DNM3: variants seen among roughly 807,000 people sequenced by gnomAD.
DNM3 encodes dynamin-3.
A neutral mutation model predicts 101.6 loss-of-function variants in DNM3; 47 were observed. The ratio of observed to expected loss-of-function variants is 0.46; its 90% CI spans 0.37 to 0.59. The LOEUF (loss-of-function observed/expected upper bound fraction) is 0.59, where lower values mean the gene tolerates loss of function less well. Ranked by LOEUF, DNM3 falls within the 20% of genes least tolerant of loss-of-function variation. The pLI is 0.00. For synonymous variants in DNM3, 385 were observed against 387.9 expected, an observed-to-expected ratio of 0.99 and a Z score of 0.09; for missense variants, 849 against 1,085.7, an observed-to-expected ratio of 0.78 and a Z score of 3.06.
At chr1:172,039,330 A>G (rs943166407) in intron 7 of DNM3, among the ~76,000 whole-genome samples, 2 of 152,138 alleles carry the variant, frequency 1.3e-5, no homozygotes, top group African/African-American at 2.4e-5. Context: ...GCATCCTTCA[A>G]TTGGCATTCA....
chr1:171,855,793 T>A (rs189191448), intron 1 of DNM3, among the ~76,000 whole-genome samples: 85 of 152,340 alleles, frequency 5.6e-4, no homozygotes, highest in African/African-American at 1.9e-3. Context: ...GATGCATAGT[T>A]TGCAAAAATT....
At chr1:171,849,961 T>G (rs574858680) in intron 1 of DNM3, among the ~76,000 whole-genome samples, 1 of 152,314 alleles carries the variant, frequency 6.6e-6, no homozygotes, top group African/African-American at 2.4e-5. Context: ...AGAGAATATA[T>G]TTTAAGGAAG....
At chr1:171,861,476 A>C (rs2034171440) in intron 1 of DNM3, among the ~76,000 whole-genome samples, 1 of 152,150 alleles carries the variant, frequency 6.6e-6, no homozygotes, top group Non-Finnish European at 1.5e-5. Flanking sequence ...TACCAAGATA[A>C]TTCAATGGAG....
intron 14 of DNM3, among the ~76,000 whole-genome samples, chr1:172,184,706 G>C (rs2059462789): frequency 6.6e-6 from 1 of 152,128 alleles, no homozygotes; most frequent in Non-Finnish European, 1.5e-5. Flanking sequence ...AATCATCTTA[G>C]AGTTTATTAA....
At chr1:172,152,730 C>T (rs1029363057) in intron 14 of DNM3, among the ~76,000 whole-genome samples, 1 of 152,060 alleles carries the variant, frequency 6.6e-6, no homozygotes, top group Non-Finnish European at 1.5e-5. Context: ...CTACCATTCC[C>T]ACGGTATGTG....
intron 14 of DNM3, among the ~76,000 whole-genome samples, chr1:172,219,518 T>C (rs2060830872): frequency 6.6e-6 from 1 of 151,950 alleles, no homozygotes; most frequent in Admixed American, 6.6e-5. Flanking sequence ...CAGTGACTAC[T>C]ATTTTCCAGC....
chr1:172,401,307 A>G (rs74613947), intron 20 of DNM3, among the ~76,000 whole-genome samples: 1 of 152,328 alleles, frequency 6.6e-6, no homozygotes, highest in East Asian at 1.9e-4. Flanking sequence ...ATGTGGGTAA[A>G]TCATCCTTTA....
intron 2 of DNM3, among the ~76,000 whole-genome samples, chr1:171,939,089 T>A (rs185422985): frequency 6.6e-6 from 1 of 152,154 alleles, no homozygotes; most frequent in Admixed American, 6.6e-5. Context: ...TTTCCTTGGC[T>A]TAAGCATTGA....
At chr1:171,869,308 C>T (rs2035060127) in intron 1 of DNM3, among the ~76,000 whole-genome samples, 1 of 152,156 alleles carries the variant, frequency 6.6e-6, no homozygotes, top group Non-Finnish European at 1.5e-5. Context: ...GTGCTGCCCT[C>T]CCCATGCCTG....
At chr1:171,935,307 C>G (rs1227798312) in intron 2 of DNM3, among the ~76,000 whole-genome samples, 1 of 152,074 alleles carries the variant, frequency 6.6e-6, no homozygotes, top group Admixed American at 6.6e-5. Context: ...AAGCCTTATT[C>G]GGTGTAATTT....
chr1:172,236,136 A>G (rs2061536532), intron 14 of DNM3, among the ~76,000 whole-genome samples: 1 of 152,156 alleles, frequency 6.6e-6, no homozygotes. Flanking sequence ...GCTGTCCTCA[A>G]CTACTAAATT....
chr1:172,318,528 C>T (rs996845517), intron 16 of DNM3, among the ~76,000 whole-genome samples: 1 of 152,208 alleles, frequency 6.6e-6, no homozygotes, highest in African/African-American at 2.4e-5. Context: ...TGATAAGCAA[C>T]TTCAGCAAAG....
At chr1:172,121,563 G>A (rs1004226263) in intron 13 of DNM3, among the ~76,000 whole-genome samples, 2 of 152,222 alleles carry the variant, frequency 1.3e-5, no homozygotes, top group East Asian at 1.9e-4. Context: ...ATGAGTAGAC[G>A]ATGATGAAGG....
At chr1:172,182,917 A>G (rs189477788) in intron 14 of DNM3, among the ~76,000 whole-genome samples, 1 of 152,288 alleles carries the variant, frequency 6.6e-6, no homozygotes, top group Non-Finnish European at 1.5e-5. Context: ...ATAATGTAGT[A>G]TCATTCCAAT....
chr1:172,040,948 C>T lies in DNM3; in HGVS notation c.993-1061C>T, dbSNP rs549073957. 2.0e-5 allele frequency among the ~76,000 whole-genome samples: 3 copies of T among 152,124 alleles called. No homozygotes were observed. The South Asian group carries it at 6.2e-4, about 32-fold the overall frequency. On this transcript the variant is annotated intron_variant, in intron 7 of 20. Coordinates refer to ENST00000627582, the MANE Select transcript of DNM3 (RefSeq NM_015569.5). ...GTTGGATGAGTGGTAAGAGATGGGG[C>T]TGAAGAGGCAGCCAAAGCCAGACCA...
At chr1:171,998,244 T>C (rs1403174809) in intron 4 of DNM3, among the ~76,000 whole-genome samples, 1 of 152,162 alleles carries the variant, frequency 6.6e-6, no homozygotes, top group East Asian at 1.9e-4. Flanking sequence ...ATATGAAATT[T>C]TACAATACTA....
At chr1:171,973,671 T>C in intron 2 of DNM3, among the ~76,000 whole-genome samples, 1 of 149,206 alleles carries the variant, frequency 6.7e-6, no homozygotes, top group East Asian at 1.9e-4. Context: ...GACTCCAAAA[T>C]CTTTTTTTTT....
At chr1:172,048,017 G>A (rs990265091) in intron 9 of DNM3, among the ~76,000 whole-genome samples, 2 of 152,036 alleles carry the variant, frequency 1.3e-5, no homozygotes, top group African/African-American at 2.4e-5. Flanking sequence ...GCTTTCCTGA[G>A]CTCCTGTTCA....
At chr1:172,231,206 A>AC (rs75142425) in intron 14 of DNM3, among the ~76,000 whole-genome samples, 148,773 of 148,800 alleles carry the variant, frequency 1, 74,373 homozygotes, top group Middle Eastern at 1. Context: ...ACTGGGAGGC[A>AC]CCCCCAGTAG....
Sources: gnomAD v4.1 joint callset for allele counts (sites outside exome capture counted in the v4.1 genomes callset) on GRCh38, gnomAD v4.1.1 for gene constraint, MANE v1.5 for transcripts, NCBI Gene and HGNC (gene_info 2026-07-23, HGNC 2026-07-21) for gene names.